Variants in CCDC191 observed in about 807,000 individuals in gnomAD.
The protein encoded by CCDC191 is coiled-coil domain containing 191, also known as coiled-coil domain-containing protein 191.
In CCDC191, 99 loss-of-function variants were observed where a neutral mutation model predicts 114.0. The observed-to-expected ratio is 0.87, with a 90% CI of 0.74 to 1.03. CCDC191 has a LOEUF of 1.03. Among genes scored for constraint, CCDC191 ranks in the 50% least tolerant of loss-of-function variants. The probability of loss-of-function intolerance (pLI) is 0.00; values close to 1 mark genes in which losing one functional copy is unlikely to be tolerated. For synonymous variants in CCDC191, 351 were observed against 376.0 expected (o/e 0.93, Z 0.77); for missense variants, 973 against 1,087.0 (o/e 0.90, Z 1.47).
intron 1 of CCDC191, among the ~76,000 whole-genome samples, chr3:114,055,943 G>T (rs2107774279): frequency 6.6e-6 from 1 of 151,864 alleles, no homozygotes; most frequent in Admixed American, 6.5e-5. Flanking sequence ...AAAGTGAAGG[G>T]GCAGGAATAT....
intron 8 of CCDC191, among the ~76,000 whole-genome samples, chr3:114,017,098 T>C (rs2107694734): frequency 6.7e-6 from 1 of 150,264 alleles, no homozygotes; most frequent in East Asian, 2.0e-4. Context: ...CCTTCAAGGA[T>C]TCACTTTTTT....
At chr3:114,004,893 G>T in intron 10 of CCDC191, 147 bp from the exon 11 acceptor site, 1 of 826,336 alleles carries the variant, frequency 1.2e-6, no homozygotes, top group Non-Finnish European at 1.8e-6. Context: ...CCATAAATAT[G>T]TGTAATGAGG....
chr3:114,003,560 C>A (rs753360542), intron 11 of CCDC191: 6 of 985,246 alleles, frequency 6.1e-6, no homozygotes, highest in Non-Finnish European at 7.2e-6. Flanking sequence ...TAGATCTAAT[C>A]ATCAAAAGAC....
chr3:113,964,344 A>G lies in CCDC191; in HGVS notation c.*811T>C, dbSNP rs1355860086. ...TTCTCTAACACAATTCATAGAAGAG[A>G]GCATTTTATCAGTCTTTATAGCATC... On this transcript the variant is annotated 3_prime_UTR_variant, in exon 17 of 17. Transcript: ENST00000295878. The G allele has an allele frequency of 1.3e-5, 2 of 152,228 alleles. No individual in the cohort carries two copies. Among genetic ancestry groups the G allele is most frequent in the Admixed American group, 1.3e-4 (2 of 15,282 alleles). The allele number at this position is 152,228 out of a possible 1,614,324, so 9.4% of individuals were successfully genotyped here. A position where few individuals can be genotyped will look rare whatever the true frequency, so the allele number is the denominator to read the frequency against.
At chr3:113,970,220 ATTTG>A (rs202118576) in intron 16 of CCDC191, among the ~76,000 whole-genome samples, 2,697 of 152,236 alleles carry the variant, frequency 0.018, 58 homozygotes, top group African/African-American at 0.06. Context: ...ACTTTACTGA[ATTTG>A]TTTGTCAGAT....
intron 16 of CCDC191, among the ~76,000 whole-genome samples, chr3:113,968,739 T>C (rs1050248464): frequency 1.3e-5 from 2 of 152,024 alleles, no homozygotes; most frequent in Non-Finnish European, 2.9e-5. Context: ...GGATTATAGA[T>C]GTGAGCCACT....
chr3:114,044,820 TG>T (rs2076607844), intron 3 of CCDC191, among the ~76,000 whole-genome samples: 1 of 152,222 alleles, frequency 6.6e-6, no homozygotes, highest in African/African-American at 2.4e-5. Context: ...GGGGTTAAAC[TG>T]TAGAAATACC....
At chr3:113,982,324 T>A (rs1259927093) in intron 13 of CCDC191, among the ~76,000 whole-genome samples, 2 of 152,202 alleles carry the variant, frequency 1.3e-5, no homozygotes, top group African/African-American at 4.8e-5. Context: ...TTAATTCAAA[T>A]ATGTATCTCC....
intron 7 of CCDC191, among the ~76,000 whole-genome samples, chr3:114,024,903 C>T (rs578021518): frequency 2.0e-5 from 3 of 152,248 alleles, no homozygotes; most frequent in African/African-American, 7.2e-5. Context: ...GTAGGAAGTG[C>T]AGTATTGAAT....
intron 13 of CCDC191, among the ~76,000 whole-genome samples, chr3:113,985,827 C>G (rs1011982602): frequency 1.3e-5 from 2 of 152,192 alleles, no homozygotes; most frequent in African/African-American, 4.8e-5. Context: ...TCAAACATAG[C>G]CCAATTCCCG....
intron 16 of CCDC191, among the ~76,000 whole-genome samples, chr3:113,972,831 T>C (rs1329840044): frequency 6.6e-6 from 1 of 152,192 alleles, no homozygotes; most frequent in Non-Finnish European, 1.5e-5. Context: ...TTTCTCTTTA[T>C]AGTCTTTGAC....
rs534894776 is a variant in CCDC191 at position 114,005,662 on chromosome 3, C to A, written c.1714G>T (p.Glu572Ter). The change falls in exon 10 of 17, where the codon GAA becomes TAA. Residue 572 changes from glutamate (E) to a stop codon, truncating the protein, a stop_gained. Transcript: ENST00000295878. LOFTEE classifies it high-confidence loss of function. ...LIEKQKKKLQ[E>*]QQKTILELKK... ...AGCTCGAGAATTGTTTTCTGCTGTT[C>A]CTGAAGTTTCTTCTTTTGCTTCTCA... 2.5e-6 allele frequency: 4 copies of A among 1,614,096 alleles called. No homozygotes were observed. The highest frequency in any genetic ancestry group is 3.3e-5 in the Admixed American group (2 of 60,000).
In CCDC191 at chr3:114,010,778, A is replaced by AT. The variant is rs35258202; in HGVS notation, c.1406dup (p.Asn469LysfsTer50). The AT allele has an allele frequency of 6.2e-7, 1 of 1,606,364 alleles. No individual in the cohort carries two copies. The highest frequency in any genetic ancestry group is 2.2e-5 in the East Asian group (1 of 44,746). Reference sequence around the variant, plus strand: ...AGCAGGAAAAACAACGTACCTGTCCATTTTTTACTGGTGGACCCACCATGG... The same window carrying AT: ...AGCAGGAAAAACAACGTACCTGTCCATTTTTTTACTGGTGGACCCACCATGG... On this transcript the variant is annotated frameshift_variant, in exon 9 of 17. Transcript: ENST00000295878. LOFTEE classifies it high-confidence loss of function.
In CCDC191 at chr3:113,965,069, G is replaced by T. The variant is rs1430830611; in HGVS notation, c.*86C>A. ...GTAGCTCGTAGAGAATAAACCAGGT[G>T]TATGTATGTATGTGTGTGGGTGGGT... On this transcript the variant is annotated 3_prime_UTR_variant, in exon 17 of 17. Transcript: ENST00000295878. The T allele has an allele frequency of 7.5e-6, 5 of 667,520 alleles. No individual in the cohort carries two copies. Among genetic ancestry groups the T allele is most frequent in the Non-Finnish European group, 9.8e-6 (4 of 406,958 alleles). The allele number at this position is 667,520 out of a possible 1,614,324, so 41.3% of individuals were successfully genotyped here. A position where few individuals can be genotyped will look rare whatever the true frequency, so the allele number is the denominator to read the frequency against.
At chr3:114,056,323 C>G (rs2076780464) in intron 1 of CCDC191, 54 bp downstream of exon 1, 2 of 1,571,502 alleles carry the variant, frequency 1.3e-6, no homozygotes, top group East Asian at 2.2e-5. Flanking sequence ...GGCTTCCTGA[C>G]TGCGCCGCGC....
intron 1 of CCDC191, 113 bp from the exon 2 acceptor site, chr3:114,053,748 C>A: frequency 3.4e-6 from 2 of 581,138 alleles, no homozygotes; most frequent in Non-Finnish European, 5.9e-6. Context: ...ATTATTTCCC[C>A]AAAGCATTTC....
intron 7 of CCDC191, among the ~76,000 whole-genome samples, chr3:114,025,032 T>C (rs1168805409): frequency 1.3e-5 from 2 of 152,122 alleles, no homozygotes; most frequent in African/African-American, 4.8e-5. Context: ...TGCTCATAAC[T>C]AATAGCATTA....
At chr3:113,995,307 C>T (rs147063618) in intron 13 of CCDC191, among the ~76,000 whole-genome samples, 29 of 152,074 alleles carry the variant, frequency 1.9e-4, no homozygotes, top group Admixed American at 9.8e-4. Flanking sequence ...CCCCCTAAAT[C>T]TATAAAAATT....
At chr3:113,976,470 AAAT>A (rs1380575802) in intron 16 of CCDC191, among the ~76,000 whole-genome samples, 5 of 152,072 alleles carry the variant, frequency 3.3e-5, no homozygotes, top group African/African-American at 1.2e-4. Flanking sequence ...TGAAAAATGG[AAAT>A]AATGACATCT....
Sources: gnomAD v4.1 joint callset for allele counts (sites outside exome capture counted in the v4.1 genomes callset) on GRCh38, gnomAD v4.1.1 for gene constraint, MANE v1.5 for transcripts, NCBI Gene and HGNC (gene_info 2026-07-23, HGNC 2026-07-21) for gene names.